The following FAF2 variants were observed in gnomAD, a reference collection of about 807,000 sequenced individuals.
The protein encoded by FAF2 is FAS-associated factor 2.
A neutral mutation model predicts 62.3 loss-of-function variants in FAF2; 9 were observed. The ratio of observed to expected loss-of-function variants is 0.14; its 90% CI spans 0.09 to 0.25. The LOEUF is 0.25. Among genes scored for constraint, FAF2 ranks in the 10% least tolerant of loss-of-function variants. The pLI is 1.00. For synonymous variants in FAF2, 202 were observed against 198.0 expected, an observed-to-expected ratio of 1.02 and a Z score of -0.17; for missense variants, 368 against 556.2, an observed-to-expected ratio of 0.66 and a Z score of 3.40.
chr5:176,460,513 CGTGTGT>C (rs747582699), intron 1 of FAF2, among the ~76,000 whole-genome samples: 1,531 of 132,654 alleles, frequency 0.012, 20 homozygotes, highest in African/African-American at 0.039. Flanking sequence ...TTTTTGGCCG[CGTGTGT>C]GTGTGTGTGT....
At chr5:176,499,733 G>A (rs894054282) in intron 9 of FAF2, among the ~76,000 whole-genome samples, 1 of 151,898 alleles carries the variant, frequency 6.6e-6, no homozygotes, top group African/African-American at 2.4e-5. Flanking sequence ...AAGAAGTCCT[G>A]CTGTGGCCTC....
intron 1 of FAF2, 71 bp from the exon 2 acceptor site, chr5:176,479,117 A>G: frequency 8.4e-7 from 1 of 1,183,744 alleles, no homozygotes; most frequent in Admixed American, 1.7e-5. Context: ...CTAGCAGTAT[A>G]TGGCGTAAAA....
chr5:176,489,409 T>C (rs1375738182), intron 4 of FAF2, among the ~76,000 whole-genome samples: 1 of 151,770 alleles, frequency 6.6e-6, no homozygotes, highest in Non-Finnish European at 1.5e-5. Flanking sequence ...CCTCAACTAC[T>C]TCTCCTCCAC....
In FAF2 at chr5:176,453,562, A is replaced by G. The variant is rs184419065; in HGVS notation, c.63+5092A>G. On this transcript the variant is annotated intron_variant, in intron 1 of 10. Coordinates refer to ENST00000261942, the MANE Select transcript of FAF2 (RefSeq NM_014613.3). ...TATTACCTAAAGGAAAAAAAAACACATGGTGCTTTTTGTTCATGTATTTAA... is the reference window on the plus strand; with the variant it reads ...TATTACCTAAAGGAAAAAAAAACACGTGGTGCTTTTTGTTCATGTATTTAA... The G allele has an allele frequency of 5.8e-4, 88 of 152,232 alleles. 1 individual carries two copies. Among genetic ancestry groups the G allele is most frequent in the African/African-American group, 2.1e-3 (86 of 41,572 alleles). 9.4% of individuals were successfully genotyped at this position (152,232 alleles called of 1,614,324 possible).
chr5:176,492,081 C>A, intron 4 of FAF2, 113 bp from the exon 5 acceptor site: 1 of 1,211,862 alleles, frequency 8.3e-7, no homozygotes, highest in Non-Finnish European at 1.2e-6. Context: ...AGACTGTTCA[C>A]CTCCCTTTGT....
chr5:176,467,680 C>T (rs917601260), intron 1 of FAF2, among the ~76,000 whole-genome samples: 3 of 152,196 alleles, frequency 2.0e-5, no homozygotes, highest in Non-Finnish European at 4.4e-5. Flanking sequence ...TTATTAAGCA[C>T]TTACTGTATA....
chr5:176,453,874 T>C (rs1323832455), intron 1 of FAF2, among the ~76,000 whole-genome samples: 3 of 151,032 alleles, frequency 2.0e-5, no homozygotes, highest in Non-Finnish European at 4.4e-5. Flanking sequence ...GACAACATGG[T>C]GAAACCCCGT....
At chr5:176,449,791 G>C (rs1464419374) in intron 1 of FAF2, among the ~76,000 whole-genome samples, 3 of 152,146 alleles carry the variant, frequency 2.0e-5, no homozygotes, top group Admixed American at 6.5e-5. Context: ...AGTGCGCAGC[G>C]CTGCTAGGTA....
rs1009591111 is a variant in FAF2 at position 176,507,081 on chromosome 5, T to A, written c.*131T>A. On this transcript the variant is annotated 3_prime_UTR_variant, in exon 11 of 11. Transcript: ENST00000261942. Reference sequence around the variant, plus strand: ...TATTATTATTATTATAATACAATATTTTTTTTAAAAGACTGCTGCATCCTT... The same window carrying A: ...TATTATTATTATTATAATACAATATATTTTTTAAAAGACTGCTGCATCCTT... 28 of 520,672 alleles carry A rather than the reference T, an allele frequency of 5.4e-5. No homozygotes were observed. The highest frequency in any genetic ancestry group is 1.8e-4 in the South Asian group (2 of 11,012). 32.3% of individuals were successfully genotyped at this position (520,672 alleles called of 1,614,324 possible). A position where few individuals can be genotyped will look rare whatever the true frequency, so the allele number is the denominator to read the frequency against.
At chr5:176,483,790 G>C (rs889334062) in intron 2 of FAF2, among the ~76,000 whole-genome samples, 5 of 152,164 alleles carry the variant, frequency 3.3e-5, no homozygotes, top group African/African-American at 7.2e-5. Flanking sequence ...AAATAGGGCA[G>C]AGTTGGCCGG....
At position 176,506,877 on chromosome 5, in the gene FAF2, A is replaced by G; in HGVS notation, c.1265A>G (p.Asn422Ser). ...LPCIPSEEWP[N>S]PPTLQEAGLS... is the part of the protein sequence containing the mutation. ...TGCATCCCTTCAGAGGAGTGGCCCA[A>G]TCCCCCTACGCTACAGGAGGCCGGA... Residue 422 changes from asparagine to serine, a missense_variant, in exon 11 of 11, where the codon AAT (asparagine) becomes AGT (serine). Asn to Ser is a conservative substitution (Grantham distance 46). This residue lies in a region of FAF2 where 37 missense variants were observed against 114.3 expected (regional missense o/e 0.32). Transcript: ENST00000261942. 1 of 1,613,836 alleles carries G rather than the reference A, an allele frequency of 6.2e-7. No homozygotes were observed. The highest frequency in any genetic ancestry group is 8.5e-7 in the Non-Finnish European group (1 of 1,179,882).
chr5:176,467,454 C>T lies in FAF2; in HGVS notation c.64-11734C>T, dbSNP rs146472681. 3.0e-4 allele frequency among the ~76,000 whole-genome samples: 45 copies of T among 152,190 alleles called. No individual in the cohort carries two copies. The East Asian group carries it at 6.8e-3, about 23-fold the overall frequency. On this transcript the variant is annotated intron_variant, in intron 1 of 10. Coordinates refer to ENST00000261942, the MANE Select transcript of FAF2 (RefSeq NM_014613.3). Reference sequence around the variant, plus strand: ...TAAGCGATTCTTGTGCCTCAGCCACCCGAGTAGCTAGAGATTACAGGCATG... The same window carrying T: ...TAAGCGATTCTTGTGCCTCAGCCACTCGAGTAGCTAGAGATTACAGGCATG...
chr5:176,476,072 A>G (rs1170260324), intron 1 of FAF2, among the ~76,000 whole-genome samples: 2 of 152,194 alleles, frequency 1.3e-5, no homozygotes, highest in Non-Finnish European at 1.5e-5. Flanking sequence ...CCTGGGCAAC[A>G]TGGTGAAATC....
rs1314096875 is a variant in FAF2 at position 176,507,025 on chromosome 5, G to GAA, written c.*84_*85dup. On this transcript the variant is annotated 3_prime_UTR_variant, in exon 11 of 11. Coordinates refer to ENST00000261942, the MANE Select transcript of FAF2 (RefSeq NM_014613.3). ...GAAAAAAGAAAACAACAGCAAGTCA[G>GAA]AAAAAAAAAACAAGAGAGAGAAATT... 7.9e-5 allele frequency: 73 copies of GAA among 924,170 alleles called. No homozygotes were observed. Among genetic ancestry groups the GAA allele is most frequent in the South Asian group, 1.2e-4 (3 of 25,202 alleles). The allele number at this position is 924,170 out of a possible 1,614,324, so 57.2% of individuals were successfully genotyped here. A position where few individuals can be genotyped will look rare whatever the true frequency, so the allele number is the denominator to read the frequency against.
At chr5:176,487,310 A>G (rs1758888841) in intron 3 of FAF2, among the ~76,000 whole-genome samples, 1 of 152,078 alleles carries the variant, frequency 6.6e-6, no homozygotes, top group South Asian at 2.1e-4. Context: ...CAGCCTCCTA[A>G]GTAGCTGGGA....
At chr5:176,467,927 G>A (rs1377644457) in intron 1 of FAF2, among the ~76,000 whole-genome samples, 2 of 152,308 alleles carry the variant, frequency 1.3e-5, no homozygotes, top group East Asian at 3.9e-4. Flanking sequence ...CACTTTGGGA[G>A]GCTGAGGGTG....
chr5:176,476,663 C>T lies in FAF2; in HGVS notation c.64-2525C>T, dbSNP rs368332351. On this transcript the variant is annotated intron_variant, in intron 1 of 10. Coordinates refer to ENST00000261942, the MANE Select transcript of FAF2 (RefSeq NM_014613.3). ...TTTTTTTTTTTTTGAGATGGAGTCTCGCTCTGTCACCTAGGCTGGAGGGCA... is the reference window on the plus strand; with the variant it reads ...TTTTTTTTTTTTTGAGATGGAGTCTTGCTCTGTCACCTAGGCTGGAGGGCA... Among the ~76,000 whole-genome samples, 11 of 117,706 alleles carry T rather than the reference C, an allele frequency of 9.3e-5. No individual in the cohort carries two copies. In the East Asian group the frequency reaches 2.0e-3, roughly 22 times the overall value. The allele number at this position is 117,706 out of a possible 152,430, so 77.2% of individuals were successfully genotyped here.
intron 1 of FAF2, among the ~76,000 whole-genome samples, chr5:176,463,398 G>A (rs1164431106): frequency 6.6e-6 from 1 of 151,628 alleles, no homozygotes; most frequent in Non-Finnish European, 1.5e-5. Context: ...AAAAAAAAAG[G>A]AATTAATGAA....
intron 1 of FAF2, among the ~76,000 whole-genome samples, chr5:176,475,296 AT>A (rs1273004543): frequency 6.6e-6 from 1 of 151,736 alleles, no homozygotes; most frequent in Non-Finnish European, 1.5e-5. Context: ...CACCCGGCTA[AT>A]TTTTTTTGTA....
Sources: gnomAD v4.1 joint callset for allele counts (sites outside exome capture counted in the v4.1 genomes callset) on GRCh38, gnomAD v4.1.1 for gene constraint, gnomAD v4.1.1 regional missense constraint, MANE v1.5 for transcripts, NCBI Gene and HGNC (gene_info 2026-07-23, HGNC 2026-07-21) for gene names.